The following MTUS2 variants were observed in gnomAD, a reference collection of about 807,000 sequenced individuals.
MTUS2 encodes the protein microtubule-associated tumor suppressor candidate 2.
A neutral mutation model predicts 114.1 loss-of-function variants in MTUS2; 40 were observed. The ratio of observed to expected loss-of-function variants is 0.35; its 90% confidence interval spans 0.27 to 0.46. The LOEUF (loss-of-function observed/expected upper bound fraction) is 0.46, where lower values mean the gene tolerates loss of function less well. Among genes scored for constraint, MTUS2 ranks in the 20% least tolerant of loss-of-function variants. The pLI is 1.00. For missense variants in MTUS2, 1,679 were observed against 1,705.4 expected (o/e 0.98, Z 0.27); for synonymous variants, 688 against 672.0 (o/e 1.02, Z -0.37).
intron 5 of MTUS2, among the ~76,000 whole-genome samples, chr13:29,163,105 T>A (rs1893170033): frequency 6.6e-6 from 1 of 152,008 alleles, no homozygotes; most frequent in Middle Eastern, 3.2e-3. Context: ...GTGGGGTGAG[T>A]GAGGCTTTCA....
intron 5 of MTUS2, among the ~76,000 whole-genome samples, chr13:29,169,686 G>T (rs1270581513): frequency 6.6e-6 from 1 of 152,108 alleles, no homozygotes; most frequent in Non-Finnish European, 1.5e-5. Flanking sequence ...TCACTTTGCT[G>T]TGCAAGTATT....
chr13:29,018,710 AGC>A (rs1230057398), intron 2 of MTUS2, among the ~76,000 whole-genome samples: 1 of 151,864 alleles, frequency 6.6e-6, no homozygotes, highest in East Asian at 1.9e-4. Flanking sequence ...CAGTGAGCTG[AGC>A]TCACACCACT....
chr13:29,283,729 G>T (rs1898367456), intron 6 of MTUS2, among the ~76,000 whole-genome samples: 1 of 152,164 alleles, frequency 6.6e-6, no homozygotes. Flanking sequence ...ATTACACTTT[G>T]TGAGCCACTT....
chr13:29,091,161 G>A (rs574139461), intron 4 of MTUS2, among the ~76,000 whole-genome samples: 2 of 151,958 alleles, frequency 1.3e-5, no homozygotes, highest in African/African-American at 2.4e-5. Context: ...TTGGAATATG[G>A]CAGTCTACTC....
chr13:29,344,207 C>T, intron 7 of MTUS2, among the ~76,000 whole-genome samples: 1 of 147,356 alleles, frequency 6.8e-6, no homozygotes, highest in Non-Finnish European at 1.5e-5. Context: ...CCTTTGTTGA[C>T]TTTCTGTCTT....
rs546500492 is a variant in MTUS2, at chr13:29,043,097, C to CT, written c.2446+8973dup. 1.8e-3 allele frequency among the ~76,000 whole-genome samples: 272 copies of CT among 151,858 alleles called. 1 individual carries two copies. Among genetic ancestry groups the CT allele is most frequent in the African/African-American group, 6.2e-3 (257 of 41,514 alleles). ...TTTTTCCAATTTTTTGATGCAGGCA[C>CT]TGCTTTTGCTGTATCCCAAAGCTTT... On this transcript the variant is annotated intron_variant, in intron 4 of 15. Transcript: ENST00000612955.
At chr13:29,432,031 T>TTTTTTTTTC (rs1566196602) in intron 8 of MTUS2, among the ~76,000 whole-genome samples, 1 of 145,870 alleles carries the variant, frequency 6.9e-6, no homozygotes. Flanking sequence ...TTTTTTTTTT[T>TTTTTTTTTC]TGGCAGAGCT....
rs554852159 is a variant in MTUS2, at chr13:28,851,005, C to T, written c.-243+11155C>T. Among the ~76,000 whole-genome samples the T allele has an allele frequency of 2.0e-5, 3 of 152,234 alleles. No homozygotes were observed. The South Asian group carries it at 6.2e-4, about 32-fold the overall frequency. On this transcript the variant is annotated intron_variant, in intron 2 of 15. Coordinates refer to ENST00000612955, the MANE Select transcript of MTUS2 (RefSeq NM_001033602.4). The stretch of plus-strand genomic sequence containing the variant: ...TTTGCCAGAAGGGAGGGGAATATCG[C>T]TGTTAAATGAGGATGATCATTTATT...
At chr13:29,151,763 G>A (rs4495979) in intron 5 of MTUS2, among the ~76,000 whole-genome samples, 60,826 of 152,016 alleles carry the variant, frequency 0.4, 13,958 homozygotes, top group Non-Finnish European at 0.48. Flanking sequence ...GATTTTATCA[G>A]AAGTTTTAAT....
intron 11 of MTUS2, among the ~76,000 whole-genome samples, chr13:29,490,866 G>A (rs1156313854): frequency 6.6e-6 from 1 of 152,242 alleles, no homozygotes; most frequent in African/African-American, 2.4e-5. Flanking sequence ...AAGAAAATAG[G>A]ATTTAATGTT....
At chr13:29,281,099 C>A (rs552861115) in intron 5 of MTUS2, among the ~76,000 whole-genome samples, 1 of 152,234 alleles carries the variant, frequency 6.6e-6, no homozygotes, top group Non-Finnish European at 1.5e-5. Context: ...TTTGGTGAGG[C>A]CTCAGCTTTT....
intron 8 of MTUS2, among the ~76,000 whole-genome samples, chr13:29,389,536 C>CATAT (rs144258551): frequency 0.76 from 58,580 of 76,868 alleles, 23,828 homozygotes; most frequent in South Asian, 0.86. Context: ...TATGTATACA[C>CATAT]GTGTGTATAT....
At chr13:29,487,581 G>A (rs544058677) in intron 10 of MTUS2, 128 of 319,166 alleles carry the variant, frequency 4.0e-4, no homozygotes, top group African/African-American at 2.2e-3. Flanking sequence ...TGCCGTCATC[G>A]CTCATAGCGG....
chr13:29,160,618 A>C (rs1345298670), intron 5 of MTUS2, among the ~76,000 whole-genome samples: 1 of 152,100 alleles, frequency 6.6e-6, no homozygotes, highest in Non-Finnish European at 1.5e-5. Context: ...AAAATACAAA[A>C]AATTAGCTGG....
intron 2 of MTUS2, among the ~76,000 whole-genome samples, chr13:28,897,137 T>A (rs1879323632): frequency 6.6e-6 from 1 of 152,068 alleles, no homozygotes; most frequent in Non-Finnish European, 1.5e-5. Flanking sequence ...AGGAGAAAAT[T>A]TTTGCAATCT....
intron 5 of MTUS2, among the ~76,000 whole-genome samples, chr13:29,235,427 A>G (rs1048595786): frequency 6.6e-6 from 1 of 152,068 alleles, no homozygotes; most frequent in Non-Finnish European, 1.5e-5. Flanking sequence ...TAATATTTAA[A>G]CCTTAAAAAA....
chr13:29,079,779 C>G (rs1486800956), intron 4 of MTUS2, among the ~76,000 whole-genome samples: 2 of 152,212 alleles, frequency 1.3e-5, no homozygotes, highest in Non-Finnish European at 2.9e-5. Context: ...TAGTACCACA[C>G]TGTCTTGATT....
At chr13:29,470,725 T>A (rs909720317) in intron 9 of MTUS2, among the ~76,000 whole-genome samples, 2 of 152,220 alleles carry the variant, frequency 1.3e-5, no homozygotes, top group African/African-American at 4.8e-5. Context: ...GCATGATAAG[T>A]CCCTACCTTC....
At chr13:29,220,052 A>G (rs913789391) in intron 5 of MTUS2, among the ~76,000 whole-genome samples, 4 of 151,430 alleles carry the variant, frequency 2.6e-5, no homozygotes, top group African/African-American at 7.3e-5. Flanking sequence ...CTGGAGTGCA[A>G]TGGCACAATC....
Sources: allele counts gnomAD v4.1 joint callset (sites outside exome capture counted in the v4.1 genomes callset), GRCh38; gene constraint gnomAD v4.1.1; transcripts MANE v1.5; gene names NCBI Gene and HGNC (gene_info 2026-07-23, HGNC 2026-07-21).